The following EXOC6 variants were observed in gnomAD, a reference collection of about 807,000 sequenced individuals.
EXOC6 encodes SEC15-like 1.
EXOC6 carries 60 observed loss-of-function variants against 112.5 expected under a neutral mutation model. That is an observed-to-expected ratio of 0.53 (90% CI 0.43 to 0.66). The LOEUF (loss-of-function observed/expected upper bound fraction) is 0.66. Among genes scored for constraint, EXOC6 ranks in the 30% least tolerant of loss-of-function variants. EXOC6 has a pLI of 0.00. For synonymous variants in EXOC6, 295 were observed against 308.0 expected (o/e 0.96, Z 0.44); for missense variants, 855 against 957.1 (o/e 0.89, Z 1.41).
At chr10:92,902,795 T>C (rs1202482499) in intron 5 of EXOC6, among the ~76,000 whole-genome samples, 1 of 152,190 alleles carries the variant, frequency 6.6e-6, no homozygotes, top group East Asian at 1.9e-4. Context: ...AAATAACCAC[T>C]TTCTGATTTT....
intron 1 of EXOC6, among the ~76,000 whole-genome samples, chr10:92,883,966 G>T (rs1377722161): frequency 6.6e-6 from 1 of 151,960 alleles, no homozygotes; most frequent in Non-Finnish European, 1.5e-5. Context: ...GTGCGATCTT[G>T]GCTCACTGCA....
chr10:92,919,950 TATA>T (rs1564831095), intron 7 of EXOC6, 29 bp from the exon 8 acceptor site: 2 of 1,416,592 alleles, frequency 1.4e-6, no homozygotes, highest in Non-Finnish European at 2.0e-6. Flanking sequence ...TAGTTTGACC[TATA>T]ATTTTTTTAA....
At chr10:92,850,217 A>G (rs970179077) in intron 1 of EXOC6, among the ~76,000 whole-genome samples, 1 of 152,226 alleles carries the variant, frequency 6.6e-6, no homozygotes, top group Non-Finnish European at 1.5e-5. Flanking sequence ...TTGAAAAAAG[A>G]TGAAATTAAC....
At chr10:92,833,096 T>C (rs189663434), upstream of EXOC6, among the ~76,000 whole-genome samples, 19 of 152,214 alleles carry the variant, frequency 1.2e-4, no homozygotes, top group East Asian at 3.1e-3. Context: ...GGGCTGAGGG[T>C]TGGGGGCTAT....
intron 9 of EXOC6, among the ~76,000 whole-genome samples, chr10:92,930,406 G>C (rs1851961006): frequency 6.6e-6 from 1 of 152,076 alleles, no homozygotes; most frequent in African/African-American, 2.4e-5. Flanking sequence ...GGGAGGCTGA[G>C]GCAGGAGAAT....
intron 18 of EXOC6, among the ~76,000 whole-genome samples, chr10:92,991,725 TTCTCTC>T (rs72252880): frequency 0.42 from 62,740 of 148,984 alleles, 13,394 homozygotes; most frequent in Admixed American, 0.52. Context: ...CACGTTCTAT[TTCTCTC>T]TCTCTCTCTC....
At chr10:93,006,866 A>G (rs1179885862) in intron 19 of EXOC6, among the ~76,000 whole-genome samples, 1 of 152,144 alleles carries the variant, frequency 6.6e-6, no homozygotes, top group Non-Finnish European at 1.5e-5. Flanking sequence ...TTTTATATGC[A>G]CCTGTGTGGT....
At chr10:92,878,905 A>AAATCAAC (rs1345908308) in intron 1 of EXOC6, among the ~76,000 whole-genome samples, 6 of 152,198 alleles carry the variant, frequency 3.9e-5, no homozygotes, top group African/African-American at 1.4e-4. Flanking sequence ...TTTTCCAAAG[A>AAATCAAC]AATCAACAAA....
rs115966653 is a variant in EXOC6 at position 92,887,284 on chromosome 10, A to G, written c.102-6065A>G. 2.3e-3 allele frequency among the ~76,000 whole-genome samples: 354 copies of G among 151,050 alleles called. 1 individual carries two copies. The highest frequency in any genetic ancestry group is 7.9e-3 in the African/African-American group (325 of 41,072). On this transcript the variant is annotated intron_variant, in intron 1 of 21. Coordinates refer to ENST00000260762, the MANE Select transcript of EXOC6 (RefSeq NM_019053.6). Reference sequence around the variant, plus strand: ...CTTGCCTCTCTCCATTCAGTCAGCTATTTATTATTGGCCTTATTAGCAAAT... The same window carrying G: ...CTTGCCTCTCTCCATTCAGTCAGCTGTTTATTATTGGCCTTATTAGCAAAT...
At chr10:92,963,935 C>G (rs1854157705) in intron 17 of EXOC6, among the ~76,000 whole-genome samples, 1 of 151,178 alleles carries the variant, frequency 6.6e-6, no homozygotes. Context: ...GAGTATTGAT[C>G]AAATGGTAAT....
At chr10:92,886,838 T>G (rs1373882191) in intron 1 of EXOC6, among the ~76,000 whole-genome samples, 1 of 152,246 alleles carries the variant, frequency 6.6e-6, no homozygotes, top group East Asian at 1.9e-4. Flanking sequence ...CAAGACCTAC[T>G]CTTCTCATTC....
intron 1 of EXOC6, among the ~76,000 whole-genome samples, chr10:92,840,086 A>G (rs1221034825): frequency 6.6e-6 from 1 of 151,668 alleles, no homozygotes; most frequent in Non-Finnish European, 1.5e-5. Context: ...TGTTTTTAGG[A>G]ATAAAGATAA....
At chr10:93,057,159 A>G in intron 21 of EXOC6, 123 bp downstream of exon 21, 2 of 518,944 alleles carry the variant, frequency 3.9e-6, no homozygotes, top group Non-Finnish European at 6.6e-6. Flanking sequence ...AGCTCACTCT[A>G]GTTTAATGAC....
intron 20 of EXOC6, among the ~76,000 whole-genome samples, chr10:93,052,466 A>G (rs1185053074): frequency 1.3e-5 from 2 of 152,250 alleles, no homozygotes; most frequent in Non-Finnish European, 2.9e-5. Context: ...TTTGCTGGAC[A>G]CACACAGGGA....
chr10:92,963,652 C>T lies in EXOC6; in HGVS notation c.1773+7938C>T, dbSNP rs145799700. 2.9e-3 allele frequency among the ~76,000 whole-genome samples: 445 copies of T among 151,552 alleles called. 3 individuals are homozygous for T. Among genetic ancestry groups the T allele is most frequent in the Non-Finnish European group, 4.7e-3 (316 of 67,866 alleles). On this transcript the variant is annotated intron_variant, in intron 17 of 21. Transcript: ENST00000260762. Reference sequence around the variant, plus strand: ...ACAGTTGCGTACCATCTTACCTGGCCGATTTTTTAAAATTTATTTTTTGTA... The same window carrying T: ...ACAGTTGCGTACCATCTTACCTGGCTGATTTTTTAAAATTTATTTTTTGTA...
Position 92,930,173 on chromosome 10 carries a change from T to C in EXOC6, c.972+1751T>C, listed in dbSNP as rs570645065. On this transcript the variant is annotated intron_variant, in intron 9 of 21. Transcript: ENST00000260762. ...CATGTGCACATGGAAGATTCACCAA[T>C]ATCATATTCTGGGCCATGAAACAAA... 1.6e-4 allele frequency among the ~76,000 whole-genome samples: 24 copies of C among 152,182 alleles called. 1 individual carries two copies. The highest frequency in any genetic ancestry group is 1.5e-3 in the Admixed American group (23 of 15,298).
At chr10:93,001,953 C>T (rs1284276726) in intron 19 of EXOC6, among the ~76,000 whole-genome samples, 4 of 151,998 alleles carry the variant, frequency 2.6e-5, no homozygotes, top group Admixed American at 2.6e-4. Flanking sequence ...ATCTGATGCC[C>T]CAGATTAAAT....
rs184766221 is a variant in EXOC6 at position 92,912,341 on chromosome 10, G to A, written c.663+2710G>A. On this transcript the variant is annotated intron_variant, in intron 6 of 21. Coordinates refer to ENST00000260762, the MANE Select transcript of EXOC6 (RefSeq NM_019053.6). Reference sequence around the variant, plus strand: ...AACGGGGCTCTCTATTTGTTCCCAGGCGGATCAGCAGGTCGAGAAATAATA... The same window carrying A: ...AACGGGGCTCTCTATTTGTTCCCAGACGGATCAGCAGGTCGAGAAATAATA... Among the ~76,000 whole-genome samples the A allele has an allele frequency of 3.9e-3, 587 of 152,134 alleles. 4 individuals are homozygous for A. Among genetic ancestry groups the A allele is most frequent in the African/African-American group, 0.013 (540 of 41,494 alleles).
intron 20 of EXOC6, among the ~76,000 whole-genome samples, chr10:93,055,146 AACC>A (rs1319815741): frequency 6.6e-6 from 1 of 152,172 alleles, no homozygotes; most frequent in Non-Finnish European, 1.5e-5. Context: ...CCCAGCTTAT[AACC>A]GGCATCCTTA....
Sources: gnomAD v4.1 joint callset for allele counts (sites outside exome capture counted in the v4.1 genomes callset) on GRCh38, gnomAD v4.1.1 for gene constraint, MANE v1.5 for transcripts, NCBI Gene and HGNC (gene_info 2026-07-23, HGNC 2026-07-21) for gene names.